Variants in MYO18A observed in about 807,000 individuals in gnomAD.
The protein encoded by MYO18A is myosin XVIIIA, also known as unconventional myosin-XVIIIa.
A neutral mutation model predicts 235.8 loss-of-function variants in MYO18A; 78 were observed. The observed-to-expected ratio is 0.33, with a 90% confidence interval of 0.28 to 0.40. The LOEUF (loss-of-function observed/expected upper bound fraction) is 0.40. MYO18A is among the 10% of genes least tolerant of loss of function. MYO18A has a pLI of 1.00. For synonymous variants in MYO18A, 977 were observed against 1,077.8 expected (o/e 0.91, Z 1.83); for missense variants, 2,215 against 2,699.3 (o/e 0.82, Z 3.98).
chr17:29,131,741 C>T (rs117171019), intron 2 of MYO18A, among the ~76,000 whole-genome samples: 4,859 of 152,338 alleles, frequency 0.032, 108 homozygotes, highest in Non-Finnish European at 0.049. Flanking sequence ...ACAGTGCCAT[C>T]GTGGCTTTGG....
In MYO18A at chr17:29,158,083, T is replaced by C. The variant is rs2068097315; in HGVS notation, c.999+7859A>G. Among the ~76,000 whole-genome samples the C allele has an allele frequency of 6.6e-6, 1 of 152,160 alleles. No homozygotes were observed. The highest frequency in any genetic ancestry group is 2.4e-5 in the African/African-American group (1 of 41,440). On this transcript the variant is annotated intron_variant, in intron 2 of 41. Coordinates refer to ENST00000527372, the MANE Select transcript of MYO18A (RefSeq NM_078471.4). This position sits in a 1 kb window ranked among gnomAD's most constrained non-coding sequence, Gnocchi z 4.3. Reference sequence around the variant, plus strand: ...TGCTGGGATTATAGACGTGAGCCACTGTGCCCTGCCTTGGCTGAGTCTTAC... The same window carrying C: ...TGCTGGGATTATAGACGTGAGCCACCGTGCCCTGCCTTGGCTGAGTCTTAC...
At chr17:29,083,208 C>T (rs531294769) in intron 40 of MYO18A, among the ~76,000 whole-genome samples, 2 of 152,286 alleles carry the variant, frequency 1.3e-5, no homozygotes, top group South Asian at 2.1e-4. Context: ...TCTCCTCTTC[C>T]GTCCTCAGGT....
rs116421417 is a variant in MYO18A at position 29,098,883 on chromosome 17, G to C, written c.3723C>G (p.Thr1241=). 2.5e-6 allele frequency: 4 copies of C among 1,613,956 alleles called. No homozygotes were observed. The South Asian group carries it at 4.4e-5, about 18-fold the overall frequency. ...VKDWPWWKLF[T]TVRPLIEVQL... is the part of the protein sequence containing the mutation. The stretch of plus-strand genomic sequence containing the variant: ...GTACTTCGATGAGGGGCCTCACTGT[G>C]GTAAAAAGCTTCCACCAGGGCCAGT... The change falls in exon 23 of 42, where the codon ACC becomes ACG. Residue 1241 remains threonine (T), a synonymous_variant. Coordinates refer to ENST00000527372, the MANE Select transcript of MYO18A (RefSeq NM_078471.4).
In MYO18A at chr17:29,119,282, A is replaced by G. The variant is rs2067143045; in HGVS notation, c.1829+53T>C. On this transcript the variant is annotated intron_variant, in intron 8 of 41. Coordinates refer to ENST00000527372, the MANE Select transcript of MYO18A (RefSeq NM_078471.4). ...GGATGCAATCAAGGTCCAGGAGCCCAGTCAGTGGGCTGGAGTTCAGAGAAC... is the reference window on the plus strand; with the variant it reads ...GGATGCAATCAAGGTCCAGGAGCCCGGTCAGTGGGCTGGAGTTCAGAGAAC... 18 of 1,401,830 alleles carry G rather than the reference A, an allele frequency of 1.3e-5. No individual in the cohort carries two copies. In the South Asian group the frequency reaches 2.2e-4, roughly 17 times the overall value. 86.8% of individuals were successfully genotyped at this position (1,401,830 alleles called of 1,614,324 possible).
intron 2 of MYO18A, among the ~76,000 whole-genome samples, chr17:29,161,064 C>T (rs1345959236): frequency 1.3e-5 from 2 of 151,932 alleles, no homozygotes; most frequent in East Asian, 3.9e-4. Flanking sequence ...ATAAAATATA[C>T]AAAAATTAGG....
At chr17:29,088,150 G>A (rs1335020913) in intron 37 of MYO18A, among the ~76,000 whole-genome samples, 3 of 151,324 alleles carry the variant, frequency 2.0e-5, no homozygotes, top group Non-Finnish European at 2.9e-5. Flanking sequence ...GCCCCCCGGG[G>A]TTCACGCCAT....
At position 29,111,924 on chromosome 17, in the gene MYO18A, G is replaced by A. The variant is rs2066938563; in HGVS notation, c.2599-61C>T. The stretch of plus-strand genomic sequence containing the variant: ...GGAGCTGTGGGAAAGGGGCCAGGGT[G>A]GTGCCGGGCCCAAACACACCCTACA... On this transcript the variant is annotated intron_variant, in intron 15 of 41. Transcript: ENST00000527372. This position sits in a 1 kb window ranked among gnomAD's most constrained non-coding sequence, Gnocchi z 5.1. 2 of 1,559,724 alleles carry A rather than the reference G, an allele frequency of 1.3e-6. No individual in the cohort carries two copies. Among genetic ancestry groups the A allele is most frequent in the African/African-American group, 2.7e-5 (2 of 73,070 alleles).
At position 29,158,600 on chromosome 17, in the gene MYO18A, G is replaced by A. The variant is rs576884800; in HGVS notation, c.999+7342C>T. On this transcript the variant is annotated intron_variant, in intron 2 of 41. Coordinates refer to ENST00000527372, the MANE Select transcript of MYO18A (RefSeq NM_078471.4). The surrounding 1 kb of genome is among the most constrained non-coding windows in gnomAD (Gnocchi z 4.3). Reference sequence around the variant, plus strand: ...GCTGCCCAGGACTGACAATGGAGGCGCCAGGCTGCCTGCCCAGGCAGCAGG... The same window carrying A: ...GCTGCCCAGGACTGACAATGGAGGCACCAGGCTGCCTGCCCAGGCAGCAGG... Among the ~76,000 whole-genome samples the A allele has an allele frequency of 7.2e-5, 11 of 152,256 alleles. No homozygotes were observed. The highest frequency in any genetic ancestry group is 1.9e-4 in the East Asian group (1 of 5,152).
chr17:29,078,342 A>G (rs1046808208), intron 41 of MYO18A: 13 of 152,222 alleles, frequency 8.5e-5, no homozygotes, highest in African/African-American at 3.1e-4. Context: ...TGGAGCCAAC[A>G]CTGGTTCCTT....
In MYO18A at chr17:29,098,370, G is replaced by A. The variant is rs1425559972; in HGVS notation, c.3856C>T (p.Arg1286Trp). The change falls in exon 24 of 42, where the codon CGG becomes TGG. Residue 1286 changes from arginine to tryptophan, a missense_variant. Coordinates refer to ENST00000527372, the MANE Select transcript of MYO18A (RefSeq NM_078471.4). ...GAGTCACTCACCCGGCTCTCCAGCC[G>A]GTCACTGTTGAGCCGCAGCTCGTTC... is the stretch of plus-strand genomic sequence containing the variant. Reference protein sequence around the residue: ...ERNELRLNSDRLESRISELTS... With the variant: ...ERNELRLNSDWLESRISELTS... 13 of 1,613,836 alleles carry A rather than the reference G, an allele frequency of 8.1e-6. No individual in the cohort carries two copies. Among genetic ancestry groups the A allele is most frequent in the East Asian group, 2.2e-5 (1 of 44,876 alleles).
At chr17:29,103,058 T>C (rs1020322393) in intron 21 of MYO18A, among the ~76,000 whole-genome samples, 1 of 152,250 alleles carries the variant, frequency 6.6e-6, no homozygotes, top group African/African-American at 2.4e-5. Flanking sequence ...CGTGGCAGAC[T>C]GGCACCCAGG....
rs1202434249 is a variant in MYO18A, at chr17:29,117,102, A to G, written c.2039-647T>C. Among the ~76,000 whole-genome samples, 1 of 151,860 alleles carries G rather than the reference A, an allele frequency of 6.6e-6. No homozygotes were observed. Among genetic ancestry groups the G allele is most frequent in the African/African-American group, 2.4e-5 (1 of 41,364 alleles). Reference sequence around the variant, plus strand: ...AGCTGAGCAGCCTGGGGCCCTTCACATCCCAGAAGGGGCCAAAGCCAAAGC... The same window carrying G: ...AGCTGAGCAGCCTGGGGCCCTTCACGTCCCAGAAGGGGCCAAAGCCAAAGC... On this transcript the variant is annotated intron_variant, in intron 10 of 41. Coordinates refer to ENST00000527372, the MANE Select transcript of MYO18A (RefSeq NM_078471.4). This position sits in a 1 kb window ranked among gnomAD's most constrained non-coding sequence, Gnocchi z 4.6.
At chr17:29,132,203 G>C (rs1333491408) in intron 2 of MYO18A, among the ~76,000 whole-genome samples, 1 of 152,220 alleles carries the variant, frequency 6.6e-6, no homozygotes, top group African/African-American at 2.4e-5. Flanking sequence ...CTGAGTCAGA[G>C]GGGAGGAGTG....
At chr17:29,169,376 A>C (rs946209313) in intron 1 of MYO18A, among the ~76,000 whole-genome samples, 7 of 152,146 alleles carry the variant, frequency 4.6e-5, no homozygotes, top group Non-Finnish European at 8.8e-5. Context: ...TAAATGCTAC[A>C]TGCACAGTAC....
In MYO18A at chr17:29,093,203, T is replaced by C. The variant is rs1051720909; in HGVS notation, c.4926+120A>G. 6 of 1,093,546 alleles carry C rather than the reference T, an allele frequency of 5.5e-6. No homozygotes were observed. In the African/African-American group the frequency reaches 9.3e-5, roughly 17 times the overall value. The allele number at this position is 1,093,546 out of a possible 1,614,324, so 67.7% of individuals were successfully genotyped here. ...CATCCCACAAGGGATGACGATGGGC[T>C]CTTTGCAGCACCCCCACCCCCGACA... On this transcript the variant is annotated intron_variant, in intron 32 of 41. Coordinates refer to ENST00000527372, the MANE Select transcript of MYO18A (RefSeq NM_078471.4).
intron 1 of MYO18A, among the ~76,000 whole-genome samples, chr17:29,170,694 G>A (rs1348636937): frequency 6.6e-6 from 1 of 152,118 alleles, no homozygotes; most frequent in Non-Finnish European, 1.5e-5. Context: ...TTAGGGTATG[G>A]ACCCGAATAA....
In MYO18A at chr17:29,177,576, G is replaced by A. The variant is rs72817670; in HGVS notation, c.-82+2737C>T. On this transcript the variant is annotated intron_variant, in intron 1 of 41. Coordinates refer to ENST00000527372, the MANE Select transcript of MYO18A (RefSeq NM_078471.4). ...TTGGAAAATGCTAGGGGGAAGAAAT[G>A]GTGATGGGGTGGGGTGTGCAGATCT... 4.1e-3 allele frequency among the ~76,000 whole-genome samples: 627 copies of A among 152,216 alleles called. 4 individuals carry two copies. The highest frequency in any genetic ancestry group is 6.1e-3 in the Non-Finnish European group (416 of 68,000).
chr17:29,129,003 C>A (rs1344392110), intron 2 of MYO18A: 2 of 1,259,240 alleles, frequency 1.6e-6, no homozygotes, highest in African/African-American at 1.5e-5. Context: ...ACAGCCGAGT[C>A]CCACCTCCAT....
At chr17:29,113,558 T>C (rs894038579) in intron 15 of MYO18A, among the ~76,000 whole-genome samples, 1 of 152,204 alleles carries the variant, frequency 6.6e-6, no homozygotes, top group Non-Finnish European at 1.5e-5. Flanking sequence ...GGCTGGCTCC[T>C]GGCCCTGTTC....
Sources: allele counts gnomAD v4.1 joint callset (sites outside exome capture counted in the v4.1 genomes callset), GRCh38; gene constraint gnomAD v4.1.1; non-coding constraint Gnocchi (gnomAD v3.1); transcripts MANE v1.5; gene names NCBI Gene and HGNC (gene_info 2026-07-23, HGNC 2026-07-21).